CDH4: variants seen among roughly 807,000 people sequenced by gnomAD.
CDH4 encodes the protein cadherin 4.
A neutral mutation model predicts 86.0 loss-of-function variants in CDH4; 33 were observed. The ratio of observed to expected loss-of-function variants is 0.38; its 90% confidence interval spans 0.29 to 0.51. The LOEUF (loss-of-function observed/expected upper bound fraction) is 0.51, where lower values mean the gene tolerates loss of function less well. Ranked by LOEUF, CDH4 falls within the 20% of genes least tolerant of loss-of-function variation. The pLI, the probability that CDH4 is intolerant of heterozygous loss-of-function variation, is 0.86. For synonymous variants in CDH4, 555 were observed against 549.4 expected (o/e 1.01, Z -0.14); for missense variants, 1,114 against 1,307.4 (o/e 0.85, Z 2.28).
chr20:61,711,719 G>A (rs374056931), intron 2 of CDH4, among the ~76,000 whole-genome samples: 6 of 152,322 alleles, frequency 3.9e-5, no homozygotes, highest in East Asian at 1.9e-4. Context: ...GGGGAGGGCC[G>A]TTATTCTGCC....
At chr20:61,555,990 C>T (rs1369411121) in intron 2 of CDH4, among the ~76,000 whole-genome samples, 1 of 152,166 alleles carries the variant, frequency 6.6e-6, no homozygotes. Context: ...GTATGTACCG[C>T]CCTGTGGCTC....
At chr20:61,775,883 G>T (rs2088835459) in intron 4 of CDH4, among the ~76,000 whole-genome samples, 1 of 152,204 alleles carries the variant, frequency 6.6e-6, no homozygotes, top group African/African-American at 2.4e-5. Context: ...CCTCAGCTCT[G>T]CTCCACAGAT....
chr20:61,724,226 G>C (rs2088083533), intron 2 of CDH4, among the ~76,000 whole-genome samples: 1 of 152,136 alleles, frequency 6.6e-6, no homozygotes, highest in African/African-American at 2.4e-5. Flanking sequence ...ACAGTTGGGT[G>C]GACCCAGCGG....
intron 15 of CDH4, among the ~76,000 whole-genome samples, chr20:61,934,643 C>A (rs1198520932): frequency 6.6e-6 from 1 of 152,326 alleles, no homozygotes; most frequent in South Asian, 2.1e-4. Flanking sequence ...TGTGAATGGC[C>A]TTCCCGGGCT....
chr20:61,332,261 C>T (rs2084586151), intron 2 of CDH4, among the ~76,000 whole-genome samples: 1 of 152,212 alleles, frequency 6.6e-6, no homozygotes, highest in African/African-American at 2.4e-5. Context: ...GGAGCGGTGA[C>T]GGGTTTCCTT....
chr20:61,297,072 C>G (rs1393144781), intron 2 of CDH4, among the ~76,000 whole-genome samples: 2 of 152,130 alleles, frequency 1.3e-5, no homozygotes, highest in Admixed American at 1.3e-4. Flanking sequence ...TTAGGGGTTC[C>G]TAACAAGGAT....
chr20:61,445,401 G>A (rs2085343560), intron 2 of CDH4, among the ~76,000 whole-genome samples: 1 of 152,248 alleles, frequency 6.6e-6, no homozygotes, highest in Non-Finnish European at 1.5e-5. Context: ...CCTTCAAAGT[G>A]AGTGGCCATA....
chr20:61,794,361 T>C (rs34750884), intron 4 of CDH4, among the ~76,000 whole-genome samples: 92,025 of 151,838 alleles, frequency 0.61, 28,786 homozygotes, highest in African/African-American at 0.78. Flanking sequence ...AGCTGGACAT[T>C]CCACTAAGCC....
intron 2 of CDH4, among the ~76,000 whole-genome samples, chr20:61,575,186 A>G (rs916760894): frequency 6.6e-6 from 1 of 152,172 alleles, no homozygotes; most frequent in Non-Finnish European, 1.5e-5. Context: ...AGCCATTACC[A>G]GGGCCTAGTT....
At position 61,846,894 on chromosome 20, in the gene CDH4, C is replaced by T. The variant is rs544546484; in HGVS notation, c.732+2071C>T. On this transcript the variant is annotated intron_variant, in intron 5 of 15. Transcript: ENST00000614565. ...GGAGAGCTGGGTCAGCCCACTTCTCCCTGGTGTGGCATCGCAGATGCAGCC... is the reference window on the plus strand; with the variant it reads ...GGAGAGCTGGGTCAGCCCACTTCTCTCTGGTGTGGCATCGCAGATGCAGCC... Among the ~76,000 whole-genome samples, 9 of 152,290 alleles carry T rather than the reference C, an allele frequency of 5.9e-5. 1 individual carries two copies. The highest frequency in any genetic ancestry group is 1.9e-4 in the African/African-American group (8 of 41,558).
chr20:61,531,897 T>C (rs1264200073), intron 2 of CDH4, among the ~76,000 whole-genome samples: 1 of 152,242 alleles, frequency 6.6e-6, no homozygotes, highest in Non-Finnish European at 1.5e-5. Context: ...AAATGCTTAT[T>C]AGTAAAGTGA....
At chr20:61,302,688 G>A (rs75441941) in intron 2 of CDH4, among the ~76,000 whole-genome samples, 19,520 of 152,112 alleles carry the variant, frequency 0.13, 1,392 homozygotes, top group African/African-American at 0.19. Context: ...CACCTGTTTC[G>A]GTTCCCTGAG....
intron 2 of CDH4, among the ~76,000 whole-genome samples, chr20:61,317,540 T>G (rs1325747561): frequency 6.6e-6 from 1 of 152,124 alleles, no homozygotes. Context: ...CATTCACCAT[T>G]GCTCCAGACC....
intron 3 of CDH4, among the ~76,000 whole-genome samples, chr20:61,769,357 G>C (rs2088746760): frequency 6.6e-6 from 1 of 152,218 alleles, no homozygotes; most frequent in Non-Finnish European, 1.5e-5. Flanking sequence ...CAGCCTGGGA[G>C]CTCAGACCTG....
At chr20:61,474,698 A>G (rs2085524890) in intron 2 of CDH4, among the ~76,000 whole-genome samples, 1 of 151,982 alleles carries the variant, frequency 6.6e-6, no homozygotes, top group African/African-American at 2.4e-5. Context: ...ATTGCTTTCA[A>G]CATTCTTTTT....
chr20:61,923,837 G>C (rs2055013443), intron 10 of CDH4, 133 bp downstream of exon 10: 1 of 1,152,636 alleles, frequency 8.7e-7, no homozygotes, highest in African/African-American at 1.5e-5. Context: ...TCCAACCTAA[G>C]GCGTCCTTCC....
chr20:61,524,488 C>CT (rs113607238), intron 2 of CDH4, among the ~76,000 whole-genome samples: 22,788 of 145,580 alleles, frequency 0.16, 2,661 homozygotes, highest in East Asian at 0.34. Context: ...GAATATTACA[C>CT]TTTTTTTTTT....
At position 61,689,799 on chromosome 20, in the gene CDH4, G is replaced by A. The variant is rs186976427; in HGVS notation, c.170-53764G>A. On this transcript the variant is annotated intron_variant, in intron 2 of 15. Coordinates refer to ENST00000614565, the MANE Select transcript of CDH4 (RefSeq NM_001794.5). Reference sequence around the variant, plus strand: ...TTGTTTGGTGAGGTGATGTGGAATAGGGCTGGGACAGTGGTTGGTGAGGTG... The same window carrying A: ...TTGTTTGGTGAGGTGATGTGGAATAAGGCTGGGACAGTGGTTGGTGAGGTG... Among the ~76,000 whole-genome samples, 1,049 of 136,318 alleles carry A rather than the reference G, an allele frequency of 7.7e-3. 7 individuals carry two copies. The highest frequency in any genetic ancestry group is 0.021 in the African/African-American group (696 of 33,278). 89.4% of individuals were successfully genotyped at this position (136,318 alleles called of 152,430 possible). A position where few individuals can be genotyped will look rare whatever the true frequency, so the allele number is the denominator to read the frequency against.
intron 15 of CDH4, among the ~76,000 whole-genome samples, 156 bp from the exon 16 acceptor site, chr20:61,936,581 G>A (rs922883296): frequency 2.7e-5 from 4 of 150,238 alleles, no homozygotes; most frequent in African/African-American, 9.9e-5. Context: ...ACTCGGAAAT[G>A]CCCTTCAGTT....
Sources: gnomAD v4.1 joint callset for allele counts (sites outside exome capture counted in the v4.1 genomes callset) on GRCh38, gnomAD v4.1.1 for gene constraint, MANE v1.5 for transcripts, NCBI Gene and HGNC (gene_info 2026-07-23, HGNC 2026-07-21) for gene names.